CLXN: variants seen among roughly 807,000 people sequenced by gnomAD.
CLXN encodes the protein EF-hand calcium binding domain 1.
At chr8:48,732,585 T>C in the CLXN span, among the ~76,000 whole-genome samples, 1 of 152,184 alleles carries the variant, frequency 6.6e-6, no homozygotes, top group Admixed American at 6.5e-5. Flanking sequence ...CTCATAAAAA[T>C]TAAACACAAT....
At chr8:48,735,247 A>C in the CLXN span, 8 of 1,391,390 alleles carry the variant, frequency 5.7e-6, no homozygotes, top group South Asian at 8.2e-5. Context: ...TGCTGGGTCA[A>C]CGCGGTGAGG....
the CLXN span, chr8:48,724,310 T>G: frequency 1.6e-3 from 250 of 153,754 alleles, no homozygotes; most frequent in Middle Eastern, 3.4e-3. Flanking sequence ...ATACTCTTAT[T>G]CTTTTGATGC....
the CLXN span, chr8:48,731,408 C>T: frequency 6.2e-7 from 1 of 1,613,416 alleles, no homozygotes; most frequent in East Asian, 2.2e-5. Context: ...TTTCGAAATG[C>T]ATTACGATCC....
chr8:48,717,353 T>A, the CLXN span, among the ~76,000 whole-genome samples: 2 of 152,062 alleles, frequency 1.3e-5, no homozygotes, highest in African/African-American at 4.8e-5. Context: ...AAAAACCCTG[T>A]AGACCAGGGA....
chr8:48,723,571 A>T, the CLXN span: 4 of 152,210 alleles, frequency 2.6e-5, no homozygotes, highest in Non-Finnish European at 5.9e-5. Flanking sequence ...ATACGGTGTA[A>T]CACGCCTCTC....
the CLXN span, chr8:48,730,123 A>G: frequency 2.7e-6 from 1 of 368,052 alleles, no homozygotes; most frequent in Non-Finnish European, 4.9e-6. Flanking sequence ...AAACTCTTGG[A>G]AAACTGATTG....
chr8:48,718,808 T>C, the CLXN span, among the ~76,000 whole-genome samples: 275 of 152,016 alleles, frequency 1.8e-3, 1 homozygote, highest in African/African-American at 6.1e-3. Context: ...AAAAGTAGTA[T>C]TGAGGAAAGT....
chr8:48,720,675 C>G, the CLXN span, among the ~76,000 whole-genome samples: 2 of 152,194 alleles, frequency 1.3e-5, no homozygotes, highest in Non-Finnish European at 2.9e-5. Flanking sequence ...CCCTCAGAAG[C>G]AGGTGATCTT....
chr8:48,722,924 A>C, the CLXN span, among the ~76,000 whole-genome samples: 13 of 152,208 alleles, frequency 8.5e-5, no homozygotes, highest in Non-Finnish European at 1.5e-4. Context: ...TCTCACTTAT[A>C]AGAGGGACCT....
chr8:48,720,732 T>G, the CLXN span, among the ~76,000 whole-genome samples: 1 of 152,306 alleles, frequency 6.6e-6, no homozygotes, highest in East Asian at 1.9e-4. Context: ...TTGAAGCATG[T>G]GATTTTGTAC....
the CLXN span, among the ~76,000 whole-genome samples, chr8:48,725,389 G>A: frequency 6.6e-6 from 1 of 152,228 alleles, no homozygotes; most frequent in Non-Finnish European, 1.5e-5. Context: ...AAGAAGGAAA[G>A]CCATTATATA....
chr8:48,718,163 C>A, the CLXN span, among the ~76,000 whole-genome samples: 4 of 151,794 alleles, frequency 2.6e-5, no homozygotes, highest in African/African-American at 9.7e-5. Flanking sequence ...CAAATGGTAA[C>A]CAAAAGAAAG....
chr8:48,722,942 A>C, the CLXN span, among the ~76,000 whole-genome samples: 125,985 of 151,900 alleles, frequency 0.83, 52,372 homozygotes, highest in South Asian at 0.87. Flanking sequence ...CCTAAAAGGG[A>C]AAAACTCATA....
the CLXN span, chr8:48,724,680 A>G: frequency 7.3e-7 from 1 of 1,368,406 alleles, no homozygotes; most frequent in African/African-American, 1.5e-5. Flanking sequence ...AAGTAGAAAA[A>G]ATAAGCAATA....
the CLXN span, chr8:48,711,712 A>T: frequency 3.3e-5 from 5 of 152,194 alleles, no homozygotes; most frequent in African/African-American, 1.2e-4. Flanking sequence ...ACTCCACAGG[A>T]GTAAGTGGAG....
At chr8:48,727,660 C>A in the CLXN span, among the ~76,000 whole-genome samples, 1 of 152,064 alleles carries the variant, frequency 6.6e-6, no homozygotes, top group Non-Finnish European at 1.5e-5. Flanking sequence ...AGGGAAATGG[C>A]CCACTGGGTC....
At chr8:48,713,294 T>C in the CLXN span, among the ~76,000 whole-genome samples, 1 of 152,214 alleles carries the variant, frequency 6.6e-6, no homozygotes, top group South Asian at 2.1e-4. Flanking sequence ...TATTTTATTA[T>C]GTATCTTTTG....
the CLXN span, chr8:48,724,845 G>A: frequency 2.6e-6 from 4 of 1,528,794 alleles, no homozygotes; most frequent in Non-Finnish European, 3.6e-6. Context: ...TCCAAAAAAG[G>A]TAGAACACCA....
the CLXN span, chr8:48,730,061 T>C: frequency 8.6e-6 from 4 of 462,534 alleles, no homozygotes; most frequent in Non-Finnish European, 1.5e-5. Context: ...TTCCTGATTC[T>C]CAATTATGAA....
Sources: gnomAD v4.1 joint callset for allele counts (sites outside exome capture counted in the v4.1 genomes callset) on GRCh38, gnomAD v4.1.1 for gene constraint, MANE v1.5 for transcripts, NCBI Gene and HGNC (gene_info 2026-07-23, HGNC 2026-07-21) for gene names.